The following TLN2 variants were observed in gnomAD, a reference collection of about 807,000 sequenced individuals.
TLN2 encodes the protein talin-2.
TLN2 carries 118 observed loss-of-function variants against 294.7 expected under a neutral mutation model. The ratio of observed to expected loss-of-function variants is 0.40; its 90% CI spans 0.34 to 0.47. The LOEUF is 0.47. Ranked by LOEUF, TLN2 falls within the 20% of genes least tolerant of loss-of-function variation. TLN2 has a pLI of 0.84. For missense variants in TLN2, 3,083 were observed against 3,282.2 expected (o/e 0.94, Z 1.48); for synonymous variants, 1,431 against 1,304.5 (o/e 1.10, Z -2.09).
chr15:62,705,417 T>G (rs939915809), intron 19 of TLN2, among the ~76,000 whole-genome samples: 15 of 152,194 alleles, frequency 9.9e-5, no homozygotes, highest in Non-Finnish European at 5.9e-5. Flanking sequence ...ACTGGCTATA[T>G]AATAGTGGTC....
At position 62,628,809 on chromosome 15, in the gene TLN2, G is replaced by A. The variant is rs558942251; in HGVS notation, c.-37+10334G>A. Among the ~76,000 whole-genome samples the A allele has an allele frequency of 2.6e-5, 4 of 152,316 alleles. No individual in the cohort carries two copies. In the South Asian group the frequency reaches 6.2e-4, roughly 24 times the overall value. The stretch of plus-strand genomic sequence containing the variant: ...CTAGGAATTCCCTGTCCTGATATCT[G>A]CAAAGTTTTCCCAGATGATCCTGGA... On this transcript the variant is annotated intron_variant, in intron 3 of 58. Coordinates refer to ENST00000636159, the MANE Select transcript of TLN2 (RefSeq NM_015059.3).
At chr15:62,415,670 A>G (rs1017418500) in intron 1 of TLN2, among the ~76,000 whole-genome samples, 3 of 152,236 alleles carry the variant, frequency 2.0e-5, no homozygotes, top group Admixed American at 6.5e-5. Context: ...GCCCGCTGCC[A>G]GGCGCTCCTG....
rs560569687 is a variant in TLN2, at chr15:62,680,224, A to ATAGTAATTGC, written c.957+4904_957+4913dup. ...TACCAAAAGGCTTGCTGTGATTTTG[A>ATAGTAATTGC]TAGTAATTGCATGAAATTTATAGAT... On this transcript the variant is annotated intron_variant, in intron 11 of 58. Coordinates refer to ENST00000636159, the MANE Select transcript of TLN2 (RefSeq NM_015059.3). Among the ~76,000 whole-genome samples the ATAGTAATTGC allele has an allele frequency of 4.9e-4, 75 of 152,290 alleles. 1 individual carries two copies. In the East Asian group the frequency reaches 6.9e-3, roughly 14 times the overall value.
At position 62,722,566 on chromosome 15, in the gene TLN2, C is replaced by G. The variant is rs1490380698; in HGVS notation, c.3126+79C>G. 5.6e-6 allele frequency: 8 copies of G among 1,435,774 alleles called. No homozygotes were observed. The Admixed American group carries it at 1.8e-4, about 32-fold the overall frequency. The allele number at this position is 1,435,774 out of a possible 1,614,324, so 88.9% of individuals were successfully genotyped here. On this transcript the variant is annotated intron_variant, in intron 26 of 58. Coordinates refer to ENST00000636159, the MANE Select transcript of TLN2 (RefSeq NM_015059.3). ...ATGGGTACCACCCAGGGCCTGAACA[C>G]TGCTGAACCTATTTCTTGGCAAAGT...
chr15:62,777,845 C>T (rs1848237274), intron 43 of TLN2, among the ~76,000 whole-genome samples: 1 of 152,210 alleles, frequency 6.6e-6, no homozygotes. Context: ...TGACTGGAGA[C>T]AGTTTCAACT....
At chr15:62,431,046 G>C (rs539241122) in intron 1 of TLN2, among the ~76,000 whole-genome samples, 50 of 152,124 alleles carry the variant, frequency 3.3e-4, no homozygotes, top group Non-Finnish European at 6.2e-4. Flanking sequence ...CTGGATTCTT[G>C]TTAGAAATAA....
At chr15:62,824,847 T>C (rs1412351617) in intron 54 of TLN2, among the ~76,000 whole-genome samples, 4 of 152,200 alleles carry the variant, frequency 2.6e-5, no homozygotes, top group African/African-American at 2.4e-5. Flanking sequence ...CTGAGTTCTC[T>C]CAACAAACAA....
intron 1 of TLN2, among the ~76,000 whole-genome samples, chr15:62,560,596 G>A (rs183357282): frequency 5.3e-5 from 8 of 152,348 alleles, no homozygotes; most frequent in East Asian, 3.9e-4. Context: ...AAAGTGCTGG[G>A]ATTACAGGCG....
chr15:62,651,184 C>CT (rs1159336467), intron 5 of TLN2, among the ~76,000 whole-genome samples: 33 of 152,342 alleles, frequency 2.2e-4, no homozygotes, highest in Middle Eastern at 3.4e-3. Flanking sequence ...TCACCTCCCT[C>CT]TGCTAATTCT....
In TLN2 at chr15:62,835,723, A is replaced by G. The variant is rs1596201466; in HGVS notation, c.7129-14A>G. 2 of 1,613,096 alleles carry G rather than the reference A, an allele frequency of 1.2e-6. No individual in the cohort carries two copies. Among genetic ancestry groups the G allele is most frequent in the Middle Eastern group, 1.6e-4 (1 of 6,082 alleles). The stretch of plus-strand genomic sequence containing the variant: ...GCCTGCCCTCATGGCCAATTTCTCG[A>G]CTCTACTCTCTAGGTGGGCTCCATC... On this transcript the variant is annotated splice_polypyrimidine_tract_variant and intron_variant, in intron 55 of 58. Transcript: ENST00000636159.
chr15:62,551,259 G>T (rs778598671), intron 1 of TLN2, among the ~76,000 whole-genome samples: 2 of 152,108 alleles, frequency 1.3e-5, no homozygotes, highest in Admixed American at 1.3e-4. Context: ...ACTGTGTGGC[G>T]TGGTTCCTAA....
chr15:62,619,846 T>C (rs557238224), intron 3 of TLN2, among the ~76,000 whole-genome samples: 7 of 152,340 alleles, frequency 4.6e-5, no homozygotes, highest in Non-Finnish European at 1.0e-4. Context: ...TCCTATTGTT[T>C]TAGGACACCA....
chr15:62,514,497 G>C (rs1347172332), intron 1 of TLN2, among the ~76,000 whole-genome samples: 1 of 152,186 alleles, frequency 6.6e-6, no homozygotes, highest in East Asian at 1.9e-4. Flanking sequence ...TTGATTAAGA[G>C]TGGTAATTAA....
intron 54 of TLN2, among the ~76,000 whole-genome samples, chr15:62,822,803 G>A (rs2067686978): frequency 6.6e-6 from 1 of 152,214 alleles, no homozygotes; most frequent in African/African-American, 2.4e-5. Flanking sequence ...AAAGGATGCA[G>A]AATTATGTAC....
At chr15:62,823,693 C>G (rs1396172371) in intron 54 of TLN2, among the ~76,000 whole-genome samples, 6 of 152,178 alleles carry the variant, frequency 3.9e-5, no homozygotes, top group Non-Finnish European at 7.3e-5. Context: ...CCACCTCAGG[C>G]TCTTAAAACT....
At chr15:62,800,898 G>A in intron 50 of TLN2, 129 bp downstream of exon 50, 1 of 697,442 alleles carries the variant, frequency 1.4e-6, no homozygotes, top group South Asian at 1.9e-5. Context: ...CCCTTCACCT[G>A]CCTGCTGGTA....
At chr15:62,602,853 C>G (rs1490022694) in intron 2 of TLN2, among the ~76,000 whole-genome samples, 3 of 147,824 alleles carry the variant, frequency 2.0e-5, no homozygotes, top group South Asian at 4.3e-4. Context: ...CAGTCTATAG[C>G]TAGAGGTGTT....
rs963607738 is a variant in TLN2, at chr15:62,741,736, T to C, written c.4025+967T>C. Among the ~76,000 whole-genome samples the C allele has an allele frequency of 9.9e-5, 14 of 141,362 alleles. 1 individual carries two copies. 92.7% of individuals were successfully genotyped at this position (141,362 alleles called of 152,430 possible). On this transcript the variant is annotated intron_variant, in intron 32 of 58. Coordinates refer to ENST00000636159, the MANE Select transcript of TLN2 (RefSeq NM_015059.3). ...GCTTTCCTTTTTTTAACTTGGTTTT[T>C]TAAAATTTGCGCGTGTGTGTGTGTG...
chr15:62,635,207 T>C (rs2050261640), intron 3 of TLN2, among the ~76,000 whole-genome samples: 1 of 152,238 alleles, frequency 6.6e-6, no homozygotes, highest in Non-Finnish European at 1.5e-5. Flanking sequence ...TCTTCTGGGT[T>C]GTTTTGTAAA....
Sources: allele counts gnomAD v4.1 joint callset (sites outside exome capture counted in the v4.1 genomes callset), GRCh38; gene constraint gnomAD v4.1.1; transcripts MANE v1.5; gene names NCBI Gene and HGNC (gene_info 2026-07-23, HGNC 2026-07-21).